SLC22A23: variants seen among roughly 807,000 people sequenced by gnomAD.
SLC22A23 encodes solute carrier family 22 member 23, also known as ion transporter protein.
SLC22A23 carries 26 observed loss-of-function variants against 61.0 expected under a neutral mutation model. The ratio of observed to expected loss-of-function variants is 0.43; its 90% CI spans 0.31 to 0.59. The LOEUF (loss-of-function observed/expected upper bound fraction) is 0.59, where lower values mean the gene tolerates loss of function less well. SLC22A23 is among the 20% of genes least tolerant of loss of function. SLC22A23 has a pLI of 0.11. For missense variants in SLC22A23, 796 were observed against 934.7 expected, an observed-to-expected ratio of 0.85 and a Z score of 1.94; for synonymous variants, 430 against 413.9, an observed-to-expected ratio of 1.04 and a Z score of -0.47.
At chr6:3,440,707 AG>A (rs35259004) in intron 1 of SLC22A23, among the ~76,000 whole-genome samples, 73,394 of 132,046 alleles carry the variant, frequency 0.56, 20,017 homozygotes, top group South Asian at 0.74. Flanking sequence ...ACTCCGTCTC[AG>A]AAAAAAAAAA....
chr6:3,399,124 C>T (rs1768209784), intron 3 of SLC22A23, among the ~76,000 whole-genome samples: 1 of 152,128 alleles, frequency 6.6e-6, no homozygotes, highest in African/African-American at 2.4e-5. Flanking sequence ...CCAGCAAGGC[C>T]CTGCTTCCAG....
At position 3,308,064 on chromosome 6, in the gene SLC22A23, TG is replaced by T. The variant is rs974604163; in HGVS notation, c.1083-9847del. Among the ~76,000 whole-genome samples the T allele has an allele frequency of 4.8e-4, 73 of 152,228 alleles. No individual in the cohort carries two copies. Among genetic ancestry groups the T allele is most frequent in the Admixed American group, 4.3e-3 (65 of 15,294 alleles). On this transcript the variant is annotated intron_variant, in intron 4 of 9. Transcript: ENST00000406686. This position sits in a 1 kb window ranked among gnomAD's most constrained non-coding sequence, Gnocchi z 5.1. Reference sequence around the variant, plus strand: ...AAGTAGAGTGGGGGCTGCCAGGACCTGGGATAGAGGAAGGTGAAAAAATTCT... The same window carrying T: ...AAGTAGAGTGGGGGCTGCCAGGACCTGGATAGAGGAAGGTGAAAAAATTCT...
intron 1 of SLC22A23, among the ~76,000 whole-genome samples, chr6:3,429,868 A>G (rs1187544894): frequency 6.6e-6 from 1 of 152,132 alleles, no homozygotes; most frequent in Non-Finnish European, 1.5e-5. Flanking sequence ...AGACACAGAA[A>G]GTAGAATGGG....
At chr6:3,312,875 T>G (rs1345413687) in intron 4 of SLC22A23, 1 of 152,238 alleles carries the variant, frequency 6.6e-6, no homozygotes, top group Admixed American at 6.5e-5. Flanking sequence ...AGATGCATGC[T>G]GCCTGCGCTC....
rs1202105866 is a variant in SLC22A23, at chr6:3,324,272, C to G, written c.914-270G>C. ...AATTCAGAGGAGCTTAGCTCAGAAACCAGGAAATGGTACTGCCTATGGGAC... is the reference window on the plus strand; with the variant it reads ...AATTCAGAGGAGCTTAGCTCAGAAAGCAGGAAATGGTACTGCCTATGGGAC... On this transcript the variant is annotated intron_variant, in intron 3 of 9. Coordinates refer to ENST00000406686, the MANE Select transcript of SLC22A23 (RefSeq NM_015482.2). The surrounding 1 kb of genome is among the most constrained non-coding windows in gnomAD (Gnocchi z 4.3). The G allele has an allele frequency of 6.4e-6, 3 of 470,794 alleles. No individual in the cohort carries two copies. The highest frequency in any genetic ancestry group is 1.2e-5 in the Non-Finnish European group (3 of 260,522). The allele number at this position is 470,794 out of a possible 1,614,324, so 29.2% of individuals were successfully genotyped here. A position where few individuals can be genotyped will look rare whatever the true frequency, so the allele number is the denominator to read the frequency against.
chr6:3,305,085 T>G (rs992484435), intron 4 of SLC22A23, among the ~76,000 whole-genome samples: 1 of 152,146 alleles, frequency 6.6e-6, no homozygotes. Context: ...ACCTTCCCCA[T>G]GACGGGATTT....
rs1765551393 is a variant in SLC22A23, at chr6:3,362,611, T to A, written c.914-38609A>T. Among the ~76,000 whole-genome samples, 4 of 151,820 alleles carry A rather than the reference T, an allele frequency of 2.6e-5. No homozygotes were observed. The South Asian group carries it at 8.3e-4, about 32-fold the overall frequency. On this transcript the variant is annotated intron_variant, in intron 3 of 9. Coordinates refer to ENST00000406686, the MANE Select transcript of SLC22A23 (RefSeq NM_015482.2). Reference sequence around the variant, plus strand: ...AGCAAAGCCCCCCATCCCATCTCCTTAGCAAGGTAACAAAGGAATGGAACT... The same window carrying A: ...AGCAAAGCCCCCCATCCCATCTCCTAAGCAAGGTAACAAAGGAATGGAACT...
At position 3,390,161 on chromosome 6, in the gene SLC22A23, G is replaced by A. The variant is rs989366391; in HGVS notation, c.913+20027C>T. On this transcript the variant is annotated intron_variant, in intron 3 of 9. Coordinates refer to ENST00000406686, the MANE Select transcript of SLC22A23 (RefSeq NM_015482.2). The surrounding 1 kb of genome is among the most constrained non-coding windows in gnomAD (Gnocchi z 4.0). ...GAGCCACAGTCAGGAAAAGGAATGA[G>A]GCTCTCTCCATAACCTCCAGGCCTA... Among the ~76,000 whole-genome samples, 1 of 152,156 alleles carries A rather than the reference G, an allele frequency of 6.6e-6. No individual in the cohort carries two copies. The highest frequency in any genetic ancestry group is 1.5e-5 in the Non-Finnish European group (1 of 68,038).
At position 3,390,149 on chromosome 6, in the gene SLC22A23, G is replaced by A. The variant is rs533767920; in HGVS notation, c.913+20039C>T. Reference sequence around the variant, plus strand: ...GCAACCAGCGGTGAGCCACAGTCAGGAAAAGGAATGAGGCTCTCTCCATAA... The same window carrying A: ...GCAACCAGCGGTGAGCCACAGTCAGAAAAAGGAATGAGGCTCTCTCCATAA... On this transcript the variant is annotated intron_variant, in intron 3 of 9. Transcript: ENST00000406686. The surrounding 1 kb of genome is among the most constrained non-coding windows in gnomAD (Gnocchi z 4.0). Among the ~76,000 whole-genome samples the A allele has an allele frequency of 6.6e-6, 1 of 152,290 alleles. No homozygotes were observed. The highest frequency in any genetic ancestry group is 1.9e-4 in the East Asian group (1 of 5,174).
intron 9 of SLC22A23, among the ~76,000 whole-genome samples, chr6:3,280,384 G>A (rs898400921): frequency 2.6e-5 from 4 of 151,746 alleles, no homozygotes; most frequent in Non-Finnish European, 5.9e-5. Flanking sequence ...ATCCTGCCCC[G>A]CTGCTCATCG....
rs1267960765 is a variant in SLC22A23 at position 3,456,568 on chromosome 6, C to A, written c.-9G>T. ...CGCCGGTCTATGGCCATGGCCCGGG[C>A]CCGCGGCTCCCGCAGAGGCGCATAG... On this transcript the variant is annotated 5_prime_UTR_variant, in exon 1 of 10. Transcript: ENST00000406686. This position sits in a 1 kb window ranked among gnomAD's most constrained non-coding sequence, Gnocchi z 7.1. 11 of 983,194 alleles carry A rather than the reference C, an allele frequency of 1.1e-5. No homozygotes were observed. The highest frequency in any genetic ancestry group is 1.8e-5 in the African/African-American group (1 of 56,640). The allele number at this position is 983,194 out of a possible 1,614,324, so 60.9% of individuals were successfully genotyped here. A position where few individuals can be genotyped will look rare whatever the true frequency, so the allele number is the denominator to read the frequency against.
chr6:3,379,550 A>C (rs1490499363), intron 3 of SLC22A23, among the ~76,000 whole-genome samples: 1 of 152,152 alleles, frequency 6.6e-6, no homozygotes, highest in African/African-American at 2.4e-5. Context: ...AAGGATAGAC[A>C]GCGTTTTCCA....
At chr6:3,423,975 T>C (rs1227317707) in intron 1 of SLC22A23, among the ~76,000 whole-genome samples, 2 of 152,228 alleles carry the variant, frequency 1.3e-5, no homozygotes, top group Non-Finnish European at 2.9e-5. Flanking sequence ...GAAAGCCATC[T>C]TCCACTTGCT....
chr6:3,284,095 T>A, intron 8 of SLC22A23, 120 bp from the exon 9 acceptor site: 1 of 1,015,104 alleles, frequency 9.9e-7, no homozygotes, highest in Non-Finnish European at 1.4e-6. Flanking sequence ...CATGGATGGG[T>A]ATGCAATTCC....
rs760051100 is a variant in SLC22A23 at position 3,286,636 on chromosome 6, G to A, written c.1546+223C>T. Among the ~76,000 whole-genome samples, 1 of 152,232 alleles carries A rather than the reference G, an allele frequency of 6.6e-6. No homozygotes were observed. Among genetic ancestry groups the A allele is most frequent in the African/African-American group, 2.4e-5 (1 of 41,466 alleles). Reference sequence around the variant, plus strand: ...ACCAGGACTCGGAAGGAATCATGGTGCAGCCCGGGCCGGGGCAGGGGCAGG... The same window carrying A: ...ACCAGGACTCGGAAGGAATCATGGTACAGCCCGGGCCGGGGCAGGGGCAGG... On this transcript the variant is annotated intron_variant, in intron 7 of 9. Transcript: ENST00000406686. The surrounding 1 kb of genome is among the most constrained non-coding windows in gnomAD (Gnocchi z 4.2).
chr6:3,274,621 T>C (rs1758729095), intron 9 of SLC22A23, among the ~76,000 whole-genome samples: 1 of 152,192 alleles, frequency 6.6e-6, no homozygotes, highest in African/African-American at 2.4e-5. Context: ...GTTGGCACTA[T>C]AGGTAGCTCC....
At chr6:3,369,888 T>G (rs890788923) in intron 3 of SLC22A23, among the ~76,000 whole-genome samples, 3 of 152,236 alleles carry the variant, frequency 2.0e-5, no homozygotes, top group African/African-American at 7.2e-5. Flanking sequence ...TATTTTTTCT[T>G]GTGAAAATTT....
In SLC22A23 at chr6:3,290,002, T is replaced by TG. The variant is rs1554134612; in HGVS notation, c.1211-137dup. Reference sequence around the variant, plus strand: ...GAAGCTTTTTTTTTTTTTTTTTTTTTGCCAGTGGATAGGGTCTAGGTTTCC... The same window carrying TG: ...GAAGCTTTTTTTTTTTTTTTTTTTTTGGCCAGTGGATAGGGTCTAGGTTTCC... On this transcript the variant is annotated intron_variant, in intron 5 of 9. Coordinates refer to ENST00000406686, the MANE Select transcript of SLC22A23 (RefSeq NM_015482.2). 47 of 650,434 alleles carry TG rather than the reference T, an allele frequency of 7.2e-5. No individual in the cohort carries two copies. In the Middle Eastern group the frequency reaches 1.5e-3, roughly 21 times the overall value. The allele number at this position is 650,434 out of a possible 1,614,324, so 40.3% of individuals were successfully genotyped here. A position where few individuals can be genotyped will look rare whatever the true frequency, so the allele number is the denominator to read the frequency against.
intron 3 of SLC22A23, among the ~76,000 whole-genome samples, chr6:3,408,113 A>C (rs1399222430): frequency 3.3e-5 from 5 of 152,216 alleles, no homozygotes; most frequent in African/African-American, 1.2e-4. Flanking sequence ...GGCAGAGTTG[A>C]GTAACTGTGA....
Sources: allele counts gnomAD v4.1 joint callset (sites outside exome capture counted in the v4.1 genomes callset), GRCh38; gene constraint gnomAD v4.1.1; non-coding constraint Gnocchi (gnomAD v3.1); transcripts MANE v1.5; gene names NCBI Gene and HGNC (gene_info 2026-07-23, HGNC 2026-07-21).